EGLN1: variants seen among roughly 807,000 people sequenced by gnomAD.
The protein encoded by EGLN1 is egl-9 family hypoxia inducible factor 1.
EGLN1 carries 17 observed loss-of-function variants against 38.3 expected under a neutral mutation model. The ratio of observed to expected loss-of-function variants is 0.44; its 90% CI spans 0.30 to 0.67. EGLN1 has a LOEUF of 0.67. Among genes scored for constraint, EGLN1 ranks in the 30% least tolerant of loss-of-function variants. The pLI is 0.08. For missense variants in EGLN1, 477 were observed against 603.3 expected, an observed-to-expected ratio of 0.79 and a Z score of 2.19; for synonymous variants, 283 against 257.5, an observed-to-expected ratio of 1.10 and a Z score of -0.95.
chr1:231,417,183 C>T (rs780318702), intron 1 of EGLN1, among the ~76,000 whole-genome samples: 34 of 151,844 alleles, frequency 2.2e-4, no homozygotes, highest in Non-Finnish European at 3.8e-4. Context: ...TTTCCTCATC[C>T]TATTCTTTGC....
chr1:231,391,026 A>G (rs1304414501), intron 1 of EGLN1, among the ~76,000 whole-genome samples: 1 of 151,048 alleles, frequency 6.6e-6, no homozygotes, highest in Non-Finnish European at 1.5e-5. Context: ...GTGCGTGTAG[A>G]CAGGAACTGA....
intron 1 of EGLN1, among the ~76,000 whole-genome samples, chr1:231,413,854 A>C (rs1383754397): frequency 6.7e-6 from 1 of 150,032 alleles, no homozygotes; most frequent in East Asian, 1.9e-4. Context: ...ACTGAATAAG[A>C]AAAAAGAGAA....
At chr1:231,400,012 G>A (rs796455672) in intron 1 of EGLN1, among the ~76,000 whole-genome samples, 4 of 152,220 alleles carry the variant, frequency 2.6e-5, no homozygotes, top group African/African-American at 9.6e-5. Context: ...ACTTTTAGAA[G>A]CCTTGGGGAA....
Position 231,366,140 on chromosome 1 carries a change from G to A in EGLN1, c.*271C>T. ...TAAGAATGAAAAAAATTCTACACAG[G>A]GCACTTATTTCATATCCAGATGTAA... On this transcript the variant is annotated 3_prime_UTR_variant, in exon 5 of 5. Transcript: ENST00000366641. 2.0e-6 allele frequency: 1 copy of A among 503,358 alleles called. No homozygotes were observed. The highest frequency in any genetic ancestry group is 3.5e-6 in the Non-Finnish European group (1 of 283,864). 31.2% of individuals were successfully genotyped at this position (503,358 alleles called of 1,614,324 possible). A position where few individuals can be genotyped will look rare whatever the true frequency, so the allele number is the denominator to read the frequency against.
intron 1 of EGLN1, among the ~76,000 whole-genome samples, chr1:231,398,864 C>A (rs1398657502): frequency 6.6e-6 from 1 of 152,084 alleles, no homozygotes; most frequent in East Asian, 1.9e-4. Flanking sequence ...CAGAAACAGA[C>A]TCAAAGACAA....
chr1:231,384,623 C>T (rs944329676), intron 1 of EGLN1, among the ~76,000 whole-genome samples: 5 of 152,072 alleles, frequency 3.3e-5, no homozygotes, highest in African/African-American at 1.2e-4. Flanking sequence ...AAGCAGACAA[C>T]AGCGTAAGAT....
At chr1:231,371,883 T>C (rs1687832886) in intron 2 of EGLN1, among the ~76,000 whole-genome samples, 1 of 152,212 alleles carries the variant, frequency 6.6e-6, no homozygotes, top group East Asian at 1.9e-4. Flanking sequence ...AATCTATAGT[T>C]AAAGAAAAGG....
rs139860423 is a variant in EGLN1, at chr1:231,400,645, G to A, written c.891+20353C>T. 5.9e-3 allele frequency among the ~76,000 whole-genome samples: 896 copies of A among 152,240 alleles called. 3 individuals are homozygous for A. The highest frequency in any genetic ancestry group is 9.3e-3 in the Non-Finnish European group (635 of 68,014). On this transcript the variant is annotated intron_variant, in intron 1 of 4. Transcript: ENST00000366641. ...TGAGTGAATGGCTGGGTTTTTCCTTGAGTGTGAGTTTGTACCTGTTGAAAT... is the reference window on the plus strand; with the variant it reads ...TGAGTGAATGGCTGGGTTTTTCCTTAAGTGTGAGTTTGTACCTGTTGAAAT...
intron 1 of EGLN1, among the ~76,000 whole-genome samples, chr1:231,380,467 T>TAC (rs1224583370): frequency 2.0e-5 from 3 of 149,416 alleles, no homozygotes; most frequent in Non-Finnish European, 4.5e-5. Flanking sequence ...ATGATAGGTA[T>TAC]ATATATATTT....
chr1:231,420,130 G>C (rs1005308114), intron 1 of EGLN1: 22 of 152,230 alleles, frequency 1.4e-4, no homozygotes, highest in Admixed American at 1.4e-3. Flanking sequence ...GAAGAAATCT[G>C]TGGAGGAAAA....
intron 1 of EGLN1, among the ~76,000 whole-genome samples, chr1:231,391,390 A>T (rs1688383686): frequency 6.6e-6 from 1 of 152,184 alleles, no homozygotes. Flanking sequence ...AAAAGATCAT[A>T]AAGGTCTGGC....
At chr1:231,405,508 A>G (rs1688766803) in intron 1 of EGLN1, among the ~76,000 whole-genome samples, 1 of 152,116 alleles carries the variant, frequency 6.6e-6, no homozygotes, top group Non-Finnish European at 1.5e-5. Context: ...AGTCTTTTAC[A>G]AATAATCATC....
Position 231,391,090 on chromosome 1 carries a change from T to TG in EGLN1, c.892-16992_892-16991insC, listed in dbSNP as rs1553353081. On this transcript the variant is annotated intron_variant, in intron 1 of 4. Coordinates refer to ENST00000366641, the MANE Select transcript of EGLN1 (RefSeq NM_022051.3). ...AGACAGGGAACTCATTCTGTTTTTT[T>TG]TTTGTGTGTGTGTGTGTGTGTGTGT... is the stretch of plus-strand genomic sequence containing the variant. Among the ~76,000 whole-genome samples the TG allele has an allele frequency of 0.016, 824 of 53,092 alleles. 169 individuals carry two copies. The East Asian group carries it at 0.21, about 13-fold the overall frequency. 34.8% of individuals were successfully genotyped at this position (53,092 alleles called of 152,430 possible). A position where few individuals can be genotyped will look rare whatever the true frequency, so the allele number is the denominator to read the frequency against.
At chr1:231,398,441 G>A (rs979956934) in intron 1 of EGLN1, among the ~76,000 whole-genome samples, 1 of 152,088 alleles carries the variant, frequency 6.6e-6, no homozygotes, top group Non-Finnish European at 1.5e-5. Context: ...TGGGACTATA[G>A]GTGCATACCA....
At chr1:231,391,691 A>G (rs1688391645) in intron 1 of EGLN1, among the ~76,000 whole-genome samples, 1 of 152,198 alleles carries the variant, frequency 6.6e-6, no homozygotes, top group South Asian at 2.1e-4. Flanking sequence ...GTGAATAACC[A>G]ATTTGAATAA....
intron 4 of EGLN1, among the ~76,000 whole-genome samples, chr1:231,367,089 G>T (rs553580393): frequency 8.5e-5 from 13 of 152,120 alleles, no homozygotes; most frequent in Non-Finnish European, 1.8e-4. Context: ...AGCAGATATG[G>T]AATCTACATG....
intron 3 of EGLN1, among the ~76,000 whole-genome samples, chr1:231,367,876 G>T (rs1687695142): frequency 3.9e-5 from 6 of 152,080 alleles, no homozygotes; most frequent in Admixed American, 2.6e-4. Flanking sequence ...TTTTGCAAGG[G>T]AACTGCAGAT....
At chr1:231,398,779 G>A (rs1213731716) in intron 1 of EGLN1, among the ~76,000 whole-genome samples, 3 of 151,550 alleles carry the variant, frequency 2.0e-5, no homozygotes, top group African/African-American at 7.3e-5. Flanking sequence ...GATAAAGTGA[G>A]GGTTTAACTA....
chr1:231,402,746 T>C (rs1046958725), intron 1 of EGLN1, among the ~76,000 whole-genome samples: 2 of 152,076 alleles, frequency 1.3e-5, no homozygotes, highest in African/African-American at 4.8e-5. Flanking sequence ...AGGTCTTACA[T>C]TTAGGTCAGT....
Sources: gnomAD v4.1 joint callset for allele counts (sites outside exome capture counted in the v4.1 genomes callset) on GRCh38, gnomAD v4.1.1 for gene constraint, MANE v1.5 for transcripts, NCBI Gene and HGNC (gene_info 2026-07-23, HGNC 2026-07-21) for gene names.